The following OTOG variants were observed in gnomAD, a reference collection of about 807,000 sequenced individuals.
OTOG encodes the protein otogelin.
Under a neutral mutation model 313.8 loss-of-function variants are expected in OTOG, and 296 were observed. That is an observed-to-expected ratio of 0.94 (90% CI 0.86 to 1.04). The LOEUF (loss-of-function observed/expected upper bound fraction) is 1.04, where lower values mean the gene tolerates loss of function less well. OTOG is among the 50% of genes least tolerant of loss of function. The pLI is 0.00. For missense variants in OTOG, 3,948 were observed against 3,840.1 expected, an observed-to-expected ratio of 1.03 and a Z score of -0.74; for synonymous variants, 1,533 against 1,554.9, an observed-to-expected ratio of 0.99 and a Z score of 0.33.
chr11:17,568,442 A>C (rs888201676), intron 15 of OTOG, among the ~76,000 whole-genome samples: 1 of 152,220 alleles, frequency 6.6e-6, no homozygotes, highest in African/African-American at 2.4e-5. Context: ...AACACTCTAC[A>C]CCTGCTTACA....
At chr11:17,567,757 C>T (rs931284363) in intron 15 of OTOG, among the ~76,000 whole-genome samples, 1 of 152,174 alleles carries the variant, frequency 6.6e-6, no homozygotes, top group Non-Finnish European at 1.5e-5. Context: ...CAAGTTGTTC[C>T]TTTTGCCTGG....
intron 15 of OTOG, among the ~76,000 whole-genome samples, chr11:17,567,407 C>T (rs1046925327): frequency 2.0e-5 from 3 of 152,264 alleles, no homozygotes; most frequent in Admixed American, 6.5e-5. Flanking sequence ...TCCTGGTTCA[C>T]TTTCTCAGGT....
At chr11:17,607,908 C>T (rs1346351360) in intron 33 of OTOG, among the ~76,000 whole-genome samples, 2 of 152,154 alleles carry the variant, frequency 1.3e-5, no homozygotes, top group Admixed American at 6.5e-5. Context: ...GCAGGGCAAG[C>T]CTGAGCACCA....
At position 17,601,924 on chromosome 11, in the gene OTOG, G is replaced by A. The variant is rs535618680; in HGVS notation, c.3710-286G>A. Among the ~76,000 whole-genome samples the A allele has an allele frequency of 6.6e-5, 10 of 152,292 alleles. 1 individual carries two copies. The South Asian group carries it at 1.7e-3, about 25-fold the overall frequency. ...GTGGGAAGGCTGTGGAGAGACAATG[G>A]GGGGCCCAGGTGCTCCCTGTGGGTC... On this transcript the variant is annotated intron_variant, in intron 31 of 55. Transcript: ENST00000399397.
intron 15 of OTOG, among the ~76,000 whole-genome samples, chr11:17,567,229 A>T (rs1169600077): frequency 6.6e-6 from 1 of 152,234 alleles, no homozygotes; most frequent in Non-Finnish European, 1.5e-5. Flanking sequence ...CTAGAGGATG[A>T]GTGGGTTGAA....
chr11:17,635,800 G>A (rs901370397), intron 47 of OTOG, 89 bp downstream of exon 47: 7 of 1,072,886 alleles, frequency 6.5e-6, no homozygotes, highest in Admixed American at 4.0e-5. Flanking sequence ...TTGACAGGGA[G>A]CAACAGAGCG....
chr11:17,583,328 G>T (rs1405138501), intron 23 of OTOG, among the ~76,000 whole-genome samples: 1 of 151,908 alleles, frequency 6.6e-6, no homozygotes, highest in Non-Finnish European at 1.5e-5. Flanking sequence ...TAGAGATGGG[G>T]GCTTTGCTAT....
In OTOG at chr11:17,560,015, G is replaced by A. The variant is rs1403836094; in HGVS notation, c.1342+353G>A. Among the ~76,000 whole-genome samples the A allele has an allele frequency of 2.0e-5, 3 of 152,308 alleles. No individual in the cohort carries two copies. In the East Asian group the frequency reaches 5.8e-4, roughly 29 times the overall value. On this transcript the variant is annotated intron_variant, in intron 12 of 55. Transcript: ENST00000399397. ...GGTGAGGACAGAACTGCAGCCTCTCGAGAGATTCATCAGGACATTTGATTT... is the reference window on the plus strand; with the variant it reads ...GGTGAGGACAGAACTGCAGCCTCTCAAGAGATTCATCAGGACATTTGATTT...
chr11:17,584,043 A>G (rs1385927653), intron 23 of OTOG, among the ~76,000 whole-genome samples: 1 of 152,172 alleles, frequency 6.6e-6, no homozygotes, highest in East Asian at 1.9e-4. Context: ...TGAATTTTTC[A>G]TAGGTATTTG....
chr11:17,618,916 C>T (rs970469238), intron 39 of OTOG, among the ~76,000 whole-genome samples: 3 of 152,022 alleles, frequency 2.0e-5, no homozygotes, highest in African/African-American at 7.3e-5. Context: ...ATATGTATAT[C>T]TAAGATGTAT....
Position 17,573,093 on chromosome 11 carries a change from A to G in OTOG, c.2096A>G (p.Gln699Arg). The stretch of plus-strand genomic sequence containing the variant: ...CCTTCCCCAGCCTCCTACTCAGTGC[A>G]GGCCTGCAGCGTGCTCACGGGGGAG... ...VHLQAASYSV[Q>R]ACSVLTGEMF... The change falls in exon 19 of 56, where the codon CAG becomes CGG. Residue 699 changes from glutamine (Q) to arginine (R), a missense_variant. Transcript: ENST00000399397. 1.9e-6 allele frequency: 3 copies of G among 1,548,228 alleles called. No individual in the cohort carries two copies. Among genetic ancestry groups the G allele is most frequent in the South Asian group, 1.2e-5 (1 of 84,028 alleles).
intron 8 of OTOG, 88 bp from the exon 9 acceptor site, chr11:17,558,097 T>TGGGATCCGCTTTCCCTC (rs1852093291): frequency 6.1e-6 from 9 of 1,468,494 alleles, no homozygotes; most frequent in Admixed American, 2.1e-5. Flanking sequence ...ACCCATCCCT[T>TGGGATCCGCTTTCCCTC]GGGATCCGCT....
rs554198370 is a variant in OTOG, at chr11:17,594,709, A to G, written c.3408+543A>G. 1.1e-4 allele frequency among the ~76,000 whole-genome samples: 16 copies of G among 152,338 alleles called. No homozygotes were observed. The East Asian group carries it at 2.7e-3, about 26-fold the overall frequency. On this transcript the variant is annotated intron_variant, in intron 28 of 55. Transcript: ENST00000399397. ...TGCGAGATGTCTAACTGAGGCTGCCAATCTGTGAGCTGTGGGGGAAACAGC... is the reference window on the plus strand; with the variant it reads ...TGCGAGATGTCTAACTGAGGCTGCCGATCTGTGAGCTGTGGGGGAAACAGC...
At chr11:17,547,517 G>T (rs764004379) in intron 1 of OTOG, 51 bp downstream of exon 1, 2 of 1,310,924 alleles carry the variant, frequency 1.5e-6, no homozygotes, top group East Asian at 3.1e-5. Flanking sequence ...AATGAGAAAC[G>T]TTAAAGGAAT....
At chr11:17,638,266 C>G (rs1854310245) in intron 47 of OTOG, among the ~76,000 whole-genome samples, 185 bp from the exon 48 acceptor site, 1 of 152,214 alleles carries the variant, frequency 6.6e-6, no homozygotes, top group African/African-American at 2.4e-5. Context: ...GACACAGCAC[C>G]AGGACCTGAA....
chr11:17,554,120 C>T (rs1282453388), intron 6 of OTOG, among the ~76,000 whole-genome samples: 1 of 152,154 alleles, frequency 6.6e-6, no homozygotes, highest in African/African-American at 2.4e-5. Flanking sequence ...AAGAAAGAGA[C>T]TAGGGCCTCA....
intron 17 of OTOG, 42 bp downstream of exon 17, chr11:17,570,432 G>A (rs1852380851): frequency 6.5e-7 from 1 of 1,536,606 alleles, no homozygotes. Context: ...AGGGGAAATG[G>A]GCCCCTTAGG....
chr11:17,577,853 G>A (rs1300288891), intron 22 of OTOG, among the ~76,000 whole-genome samples: 1 of 152,166 alleles, frequency 6.6e-6, no homozygotes, highest in African/African-American at 2.4e-5. Flanking sequence ...CTTATGGAAG[G>A]CTGAGGGAGA....
At chr11:17,609,526 C>T (rs1002590805) in intron 35 of OTOG, 129 bp from the exon 36 acceptor site, 19 of 868,548 alleles carry the variant, frequency 2.2e-5, no homozygotes, top group Admixed American at 5.9e-5. Flanking sequence ...GACATCTGGC[C>T]GTTAGAAGCT....
Sources: allele counts gnomAD v4.1 joint callset (sites outside exome capture counted in the v4.1 genomes callset), GRCh38; gene constraint gnomAD v4.1.1; transcripts MANE v1.5; gene names NCBI Gene and HGNC (gene_info 2026-07-23, HGNC 2026-07-21).